DYNC1I1: variants seen among roughly 807,000 people sequenced by gnomAD.
The protein encoded by DYNC1I1 is cytoplasmic dynein 1 intermediate chain 1.
Under a neutral mutation model 86.6 loss-of-function variants are expected in DYNC1I1, and 43 were observed. That is an observed-to-expected ratio of 0.50 (90% CI 0.39 to 0.64). The LOEUF (loss-of-function observed/expected upper bound fraction) is 0.64. DYNC1I1 is among the 30% of genes least tolerant of loss of function. DYNC1I1 has a pLI of 0.00. For synonymous variants in DYNC1I1, 262 were observed against 283.7 expected (o/e 0.92, Z 0.77); for missense variants, 604 against 788.8 (o/e 0.77, Z 2.81).
chr7:95,927,189 A>G (rs956318395), intron 6 of DYNC1I1, among the ~76,000 whole-genome samples: 5 of 152,186 alleles, frequency 3.3e-5, no homozygotes, highest in Non-Finnish European at 7.4e-5. Flanking sequence ...TCCTTAAAGC[A>G]TCTAATACAA....
At chr7:95,867,721 T>G (rs1362049607) in intron 5 of DYNC1I1, among the ~76,000 whole-genome samples, 1 of 149,278 alleles carries the variant, frequency 6.7e-6, no homozygotes, top group Non-Finnish European at 1.5e-5. Flanking sequence ...CCCAGGGCAG[T>G]TGAGGGTTTA....
chr7:95,895,228 C>A (rs934998846), intron 6 of DYNC1I1, among the ~76,000 whole-genome samples: 14 of 152,260 alleles, frequency 9.2e-5, no homozygotes, highest in African/African-American at 3.4e-4. Context: ...TCACATGTCA[C>A]AATCCGATGG....
At chr7:95,797,595 C>T (rs1040519547) in intron 1 of DYNC1I1, among the ~76,000 whole-genome samples, 3 of 152,132 alleles carry the variant, frequency 2.0e-5, no homozygotes, top group African/African-American at 7.2e-5. Flanking sequence ...AGTAAAAGAT[C>T]GATTCAACGT....
At chr7:95,897,675 G>A (rs1188411427) in intron 6 of DYNC1I1, among the ~76,000 whole-genome samples, 4 of 151,958 alleles carry the variant, frequency 2.6e-5, no homozygotes, top group South Asian at 2.1e-4. Context: ...TTGCTGTGCA[G>A]AGCAGTATAT....
At chr7:96,045,195 A>C (rs930316914) in intron 14 of DYNC1I1, among the ~76,000 whole-genome samples, 1 of 152,248 alleles carries the variant, frequency 6.6e-6, no homozygotes, top group Non-Finnish European at 1.5e-5. Flanking sequence ...GAAGTAATTG[A>C]ATAAGAGAAT....
chr7:95,857,732 A>G (rs1007224400), intron 5 of DYNC1I1, among the ~76,000 whole-genome samples: 2 of 152,224 alleles, frequency 1.3e-5, no homozygotes, highest in Admixed American at 6.5e-5. Context: ...ATCCGTATTG[A>G]AGATTCACTC....
rs897844592 is a variant in DYNC1I1 at position 95,804,639 on chromosome 7, A to G, written c.-9-82A>G. 5.1e-6 allele frequency: 7 copies of G among 1,376,584 alleles called. No individual in the cohort carries two copies. In the South Asian group the frequency reaches 6.2e-5, roughly 12 times the overall value. 85.3% of individuals were successfully genotyped at this position (1,376,584 alleles called of 1,614,324 possible). A position where few individuals can be genotyped will look rare whatever the true frequency, so the allele number is the denominator to read the frequency against. The stretch of plus-strand genomic sequence containing the variant: ...TCCAAAAGTCACATTGTTAAGTTGC[A>G]TTTTCTTTAAAATGATTTTTGCAAT... On this transcript the variant is annotated intron_variant, in intron 1 of 16. Transcript: ENST00000447467.
Position 95,977,158 on chromosome 7 carries a change from C to A in DYNC1I1, c.491-354C>A, listed in dbSNP as rs563701171. 3.7e-4 allele frequency among the ~76,000 whole-genome samples: 56 copies of A among 152,272 alleles called. No individual in the cohort carries two copies. In the Middle Eastern group the frequency reaches 0.01, roughly 28 times the overall value. On this transcript the variant is annotated intron_variant, in intron 6 of 16. Coordinates refer to ENST00000447467, the MANE Select transcript of DYNC1I1 (RefSeq NM_001135556.2). ...ACAGGTGTTCCCTGTGGGAAATGTGCTCCAGGTGGAAACATTTTAAAATCT... is the reference window on the plus strand; with the variant it reads ...ACAGGTGTTCCCTGTGGGAAATGTGATCCAGGTGGAAACATTTTAAAATCT...
chr7:95,838,031 G>T (rs1234878373), intron 5 of DYNC1I1, among the ~76,000 whole-genome samples: 1 of 152,166 alleles, frequency 6.6e-6, no homozygotes, highest in Non-Finnish European at 1.5e-5. Context: ...AAGCTTTTTA[G>T]CTTGCTGTAG....
intron 12 of DYNC1I1, among the ~76,000 whole-genome samples, chr7:96,034,612 G>T (rs1325338929): frequency 6.6e-6 from 1 of 152,120 alleles, no homozygotes; most frequent in Non-Finnish European, 1.5e-5. Flanking sequence ...GCAGATCATT[G>T]GATGATCCAG....
intron 6 of DYNC1I1, among the ~76,000 whole-genome samples, chr7:95,881,914 A>C (rs780918150): frequency 2.6e-5 from 4 of 152,134 alleles, no homozygotes; most frequent in Non-Finnish European, 1.5e-5. Context: ...ATGAGTTTAT[A>C]ATTTATTTAC....
intron 10 of DYNC1I1, among the ~76,000 whole-genome samples, chr7:96,025,055 T>C (rs1437163727): frequency 2.0e-5 from 3 of 151,900 alleles, no homozygotes; most frequent in Non-Finnish European, 4.4e-5. Context: ...TATATTCTTA[T>C]AGAATAACAA....
chr7:96,102,992 G>A (rs537222285), downstream of DYNC1I1, among the ~76,000 whole-genome samples: 117 of 152,242 alleles, frequency 7.7e-4, no homozygotes, highest in African/African-American at 2.6e-3. Context: ...CCCCTTATAA[G>A]ATAGAAACTG....
At chr7:95,939,103 G>A (rs1466585503) in intron 6 of DYNC1I1, among the ~76,000 whole-genome samples, 3 of 152,082 alleles carry the variant, frequency 2.0e-5, no homozygotes, top group African/African-American at 4.8e-5. Context: ...GTAGTTGAGT[G>A]GTTTTGAGTG....
At chr7:95,791,356 A>T (rs114378646) in intron 1 of DYNC1I1, among the ~76,000 whole-genome samples, 69 of 152,340 alleles carry the variant, frequency 4.5e-4, no homozygotes, top group African/African-American at 1.5e-3. Context: ...TGCACAGAGA[A>T]TCTGGCTCCT....
chr7:95,920,413 G>A (rs1210398421), intron 6 of DYNC1I1, among the ~76,000 whole-genome samples: 1 of 152,190 alleles, frequency 6.6e-6, no homozygotes, highest in African/African-American at 2.4e-5. Flanking sequence ...TAAATGCAAT[G>A]TGGTACCCTG....
At chr7:95,867,154 C>T (rs1169658400) in intron 5 of DYNC1I1, among the ~76,000 whole-genome samples, 2 of 152,314 alleles carry the variant, frequency 1.3e-5, no homozygotes, top group South Asian at 2.1e-4. Flanking sequence ...TGTCAGAGAT[C>T]ATCTTCAACT....
chr7:95,976,052 T>C (rs1235914527), intron 6 of DYNC1I1, among the ~76,000 whole-genome samples: 1 of 152,238 alleles, frequency 6.6e-6, no homozygotes, highest in African/African-American at 2.4e-5. Context: ...TTTTAAAAGA[T>C]TTATTTGTTT....
chr7:95,957,682 C>A (rs1245725323), intron 6 of DYNC1I1, among the ~76,000 whole-genome samples: 3 of 152,136 alleles, frequency 2.0e-5, no homozygotes, highest in African/African-American at 7.2e-5. Flanking sequence ...AGCCTGAAGC[C>A]TTTGTTGGGA....
Sources: gnomAD v4.1 joint callset for allele counts (sites outside exome capture counted in the v4.1 genomes callset) on GRCh38, gnomAD v4.1.1 for gene constraint, MANE v1.5 for transcripts, NCBI Gene and HGNC (gene_info 2026-07-23, HGNC 2026-07-21) for gene names.